The following TCF12 variants were observed in gnomAD, a reference collection of about 807,000 sequenced individuals.
TCF12 encodes the protein transcription factor 12, also known as DNA-binding protein HTF4.
In TCF12, 45 loss-of-function variants were observed where a neutral mutation model predicts 86.0. That is an observed-to-expected ratio of 0.52 (90% CI 0.41 to 0.67). The LOEUF is 0.67. Ranked by LOEUF, TCF12 falls within the 30% of genes least tolerant of loss-of-function variation. TCF12 has a pLI of 0.00. For synonymous variants in TCF12, 330 were observed against 299.6 expected (o/e 1.10, Z -1.05); for missense variants, 881 against 859.9 (o/e 1.02, Z -0.31).
chr15:56,971,524 T>A (rs2062324113), intron 3 of TCF12, among the ~76,000 whole-genome samples: 1 of 152,154 alleles, frequency 6.6e-6, no homozygotes. Flanking sequence ...CCTGAACTAC[T>A]GTTTCAGGTT....
chr15:56,981,119 G>A (rs2062869259), intron 3 of TCF12, among the ~76,000 whole-genome samples: 1 of 152,222 alleles, frequency 6.6e-6, no homozygotes, highest in Non-Finnish European at 1.5e-5. Context: ...ACATTTATCA[G>A]AGGCTACTGA....
At position 57,286,641 on chromosome 15, in the gene TCF12, A is replaced by G. The variant is rs1470792107; in HGVS notation, c.*496A>G. The stretch of plus-strand genomic sequence containing the variant: ...TGCAGAGAACAAAGCAGTGACAACC[A>G]TTGGCCCTTAGCATTCCCGGCATAC... On this transcript the variant is annotated 3_prime_UTR_variant, in exon 21 of 21. Transcript: ENST00000333725. The G allele has an allele frequency of 2.2e-6, 1 of 456,758 alleles. No homozygotes were observed. Among genetic ancestry groups the G allele is most frequent in the East Asian group, 6.9e-5 (1 of 14,400 alleles). The allele number at this position is 456,758 out of a possible 1,614,324, so 28.3% of individuals were successfully genotyped here. A position where few individuals can be genotyped will look rare whatever the true frequency, so the allele number is the denominator to read the frequency against.
intron 16 of TCF12, among the ~76,000 whole-genome samples, chr15:57,260,452 AC>A (rs1227577075): frequency 6.6e-6 from 1 of 152,228 alleles, no homozygotes; most frequent in African/African-American, 2.4e-5. Context: ...CACTAAGTAT[AC>A]ATATGTTTAA....
At chr15:57,135,295 A>C (rs1477667550) in intron 5 of TCF12, among the ~76,000 whole-genome samples, 2 of 152,216 alleles carry the variant, frequency 1.3e-5, no homozygotes, top group Non-Finnish European at 2.9e-5. Flanking sequence ...TTTTTTTAAA[A>C]GAATCAAAAT....
At chr15:57,202,955 A>G (rs936444367) in intron 8 of TCF12, among the ~76,000 whole-genome samples, 1 of 152,222 alleles carries the variant, frequency 6.6e-6, no homozygotes, top group Non-Finnish European at 1.5e-5. Flanking sequence ...AAAGAAGTTT[A>G]GCATTTCATT....
chr15:57,142,986 G>A (rs527314637), intron 5 of TCF12, among the ~76,000 whole-genome samples: 2 of 152,206 alleles, frequency 1.3e-5, no homozygotes, highest in South Asian at 4.1e-4. Flanking sequence ...TTAATTGTAA[G>A]TTTTAAAATA....
chr15:57,007,784 TTC>T (rs1205588558), intron 3 of TCF12, among the ~76,000 whole-genome samples: 37 of 60,168 alleles, frequency 6.1e-4, no homozygotes, highest in East Asian at 1.0e-3. Context: ...CTTTCTTTCT[TTC>T]TTTCTCTCTT....
intron 7 of TCF12, among the ~76,000 whole-genome samples, chr15:57,197,257 A>T (rs1452218705): frequency 6.8e-6 from 1 of 146,440 alleles, no homozygotes; most frequent in Non-Finnish European, 1.5e-5. Flanking sequence ...CCCGGGTTCA[A>T]GTGATTCTCC....
intron 5 of TCF12, among the ~76,000 whole-genome samples, chr15:57,133,181 G>A (rs1415810912): frequency 6.6e-6 from 1 of 152,176 alleles, no homozygotes; most frequent in Non-Finnish European, 1.5e-5. Flanking sequence ...CTTTGATGTG[G>A]CAGAATGAAT....
At chr15:57,133,395 G>C (rs1187452935) in intron 5 of TCF12, among the ~76,000 whole-genome samples, 1 of 152,206 alleles carries the variant, frequency 6.6e-6, no homozygotes, top group Admixed American at 6.5e-5. Context: ...GTATCCTCTA[G>C]TGAATGAAAT....
intron 3 of TCF12, among the ~76,000 whole-genome samples, chr15:56,988,325 C>A (rs1332638478): frequency 6.6e-6 from 1 of 152,052 alleles, no homozygotes; most frequent in East Asian, 1.9e-4. Flanking sequence ...GCCTGTTGCT[C>A]CTAGGCTACA....
At chr15:56,918,407 C>T (rs925745400), upstream of TCF12, 24 of 362,092 alleles carry the variant, frequency 6.6e-5, no homozygotes, top group Non-Finnish European at 1.1e-4. Context: ...CGTCGGCGAG[C>T]GGTCGGGGCC....
chr15:57,135,285 T>G (rs1400865543), intron 5 of TCF12, among the ~76,000 whole-genome samples: 1 of 152,162 alleles, frequency 6.6e-6, no homozygotes, highest in Non-Finnish European at 1.5e-5. Context: ...GAAAAAGAAC[T>G]TTTTTTAAAA....
Position 57,288,977 on chromosome 15 carries a change from C to T in TCF12, c.*2832C>T, listed in dbSNP as rs2152174847. On this transcript the variant is annotated 3_prime_UTR_variant, in exon 21 of 21. Coordinates refer to ENST00000333725, the MANE Select transcript of TCF12 (RefSeq NM_207037.2). The stretch of plus-strand genomic sequence containing the variant: ...TAAAAGTTAAAAGATCAAAAATTTG[C>T]TTTTATCCCAGTTTTTAACCACAAA... 7.1e-6 allele frequency: 1 copy of T among 141,452 alleles called. No individual in the cohort carries two copies. Among genetic ancestry groups the T allele is most frequent in the South Asian group, 2.2e-4 (1 of 4,548 alleles). 8.8% of individuals were successfully genotyped at this position (141,452 alleles called of 1,614,324 possible). A position where few individuals can be genotyped will look rare whatever the true frequency, so the allele number is the denominator to read the frequency against.
intron 4 of TCF12, among the ~76,000 whole-genome samples, chr15:57,066,240 C>T (rs1596360871): frequency 6.6e-6 from 1 of 152,092 alleles, no homozygotes. Flanking sequence ...CTTTCATAAT[C>T]ATAAGCATAA....
chr15:57,219,666 A>T, intron 8 of TCF12: 1 of 1,412,842 alleles, frequency 7.1e-7, no homozygotes, highest in South Asian at 1.2e-5. Context: ...CTTTTTACTA[A>T]AATCTGTGAG....
intron 12 of TCF12, among the ~76,000 whole-genome samples, chr15:57,241,891 C>A (rs1309940105): frequency 6.9e-6 from 1 of 144,634 alleles, no homozygotes; most frequent in African/African-American, 2.4e-5. Flanking sequence ...TACTGGGAGG[C>A]TGAGCGGGGA....
At position 57,056,902 on chromosome 15, in the gene TCF12, G is replaced by A. The variant is rs975590844; in HGVS notation, c.149-6848G>A. ...GTCCTTGTCTGAAAATTTTACTTTG[G>A]GTCATCTTGCTGTTGGCCTCTGGTG... On this transcript the variant is annotated intron_variant, in intron 3 of 20. Transcript: ENST00000333725. 7.3e-5 allele frequency among the ~76,000 whole-genome samples: 11 copies of A among 151,254 alleles called. No homozygotes were observed. The South Asian group carries it at 1.0e-3, about 14-fold the overall frequency.
At chr15:57,092,469 A>G (rs796325773) in intron 5 of TCF12, among the ~76,000 whole-genome samples, 13 of 152,306 alleles carry the variant, frequency 8.5e-5, no homozygotes, top group African/African-American at 3.1e-4. Flanking sequence ...TTTTATGTTT[A>G]GGCAAAACCT....
Sources: allele counts gnomAD v4.1 joint callset (sites outside exome capture counted in the v4.1 genomes callset), GRCh38; gene constraint gnomAD v4.1.1; transcripts MANE v1.5; gene names NCBI Gene and HGNC (gene_info 2026-07-23, HGNC 2026-07-21).